The following CEP112 variants were observed in gnomAD, a reference collection of about 807,000 sequenced individuals.
CEP112 encodes the protein centrosomal protein 112, also known as centrosomal protein of 112 kDa.
A neutral mutation model predicts 153.0 loss-of-function variants in CEP112; 127 were observed. The ratio of observed to expected loss-of-function variants is 0.83; its 90% CI spans 0.72 to 0.96. The LOEUF (loss-of-function observed/expected upper bound fraction) is 0.96, where lower values mean the gene tolerates loss of function less well. Ranked by LOEUF, CEP112 falls within the 40% of genes least tolerant of loss-of-function variation. The pLI is 0.00. For missense variants in CEP112, 1,089 were observed against 1,101.2 expected (o/e 0.99, Z 0.16); for synonymous variants, 358 against 374.4 (o/e 0.96, Z 0.51).
At chr17:65,878,639 C>G (rs1449875096) in intron 20 of CEP112, among the ~76,000 whole-genome samples, 1 of 151,970 alleles carries the variant, frequency 6.6e-6, no homozygotes, top group Non-Finnish European at 1.5e-5. Context: ...AGTGGGGAGG[C>G]TTCAGCAGAT....
chr17:66,096,629 C>G lies in CEP112; in HGVS notation c.646G>C (p.Glu216Gln). Reference sequence around the variant, plus strand: ...TTCTGTCTCAGGTATCGAGGATTTTCTATCTGAAAATTTAAAAATAAAACA... The same window carrying G: ...TTCTGTCTCAGGTATCGAGGATTTTGTATCTGAAAATTTAAAAATAAAACA... ...ARLNSWNLGI[E>Q]NPRYLRQKPI... The change falls in exon 7 of 27, where the codon GAA becomes CAA. Residue 216 changes from glutamate (E) to glutamine (Q), a missense_variant. Transcript: ENST00000535342. The G allele has an allele frequency of 6.3e-7, 1 of 1,577,860 alleles. No homozygotes were observed.
At chr17:66,130,993 G>T (rs1204704515) in intron 5 of CEP112, among the ~76,000 whole-genome samples, 1 of 152,104 alleles carries the variant, frequency 6.6e-6, no homozygotes, top group East Asian at 1.9e-4. Flanking sequence ...CTGTGGAAAA[G>T]AATGGCTACC....
At position 65,813,634 on chromosome 17, in the gene CEP112, G is replaced by A. The variant is rs140803635; in HGVS notation, c.2394+38170C>T. Among the ~76,000 whole-genome samples the A allele has an allele frequency of 2.6e-3, 393 of 152,296 alleles. 2 individuals carry two copies. Among genetic ancestry groups the A allele is most frequent in the Middle Eastern group, 0.017 (5 of 294 alleles). ...AGTTGTGTAATTCCTCTGAGCCTCAGTATCGCCTACAATTCTAAAGCATTC... is the reference window on the plus strand; with the variant it reads ...AGTTGTGTAATTCCTCTGAGCCTCAATATCGCCTACAATTCTAAAGCATTC... On this transcript the variant is annotated intron_variant, in intron 21 of 26. Coordinates refer to ENST00000535342, the MANE Select transcript of CEP112 (RefSeq NM_001199165.4).
At chr17:65,699,264 G>A (rs1017914180) in intron 23 of CEP112, among the ~76,000 whole-genome samples, 16 of 152,208 alleles carry the variant, frequency 1.1e-4, no homozygotes, top group African/African-American at 3.9e-4. Context: ...CTACGGTAAT[G>A]AGCATTTACT....
rs191552806 is a variant in CEP112, at chr17:66,154,718, G to A, written c.470+20326C>T. On this transcript the variant is annotated intron_variant, in intron 4 of 26. Coordinates refer to ENST00000535342, the MANE Select transcript of CEP112 (RefSeq NM_001199165.4). ...AGTACTCTCTGATCTTGTAACAGGC[G>A]AGGTAAGAAATCTCAAACAGGAAAC... 2.2e-3 allele frequency among the ~76,000 whole-genome samples: 323 copies of A among 149,850 alleles called. 1 individual carries two copies. Among genetic ancestry groups the A allele is most frequent in the African/African-American group, 7.5e-3 (309 of 41,152 alleles).
chr17:66,006,552 G>A (rs1428613339), intron 16 of CEP112, among the ~76,000 whole-genome samples: 1 of 151,774 alleles, frequency 6.6e-6, no homozygotes, highest in Non-Finnish European at 1.5e-5. Flanking sequence ...GTTGCAGTGA[G>A]CCAAGATCGC....
At chr17:65,806,495 A>G (rs2055607834) in intron 21 of CEP112, among the ~76,000 whole-genome samples, 1 of 152,232 alleles carries the variant, frequency 6.6e-6, no homozygotes, top group African/African-American at 2.4e-5. Flanking sequence ...TATCATTAAT[A>G]TGGTTTGGCT....
chr17:65,841,886 CTGTG>C (rs143757258), intron 21 of CEP112, among the ~76,000 whole-genome samples: 1 of 139,436 alleles, frequency 7.2e-6, no homozygotes, highest in Non-Finnish European at 1.6e-5. Context: ...CAGACCTAAA[CTGTG>C]TGTGTGTGTA....
chr17:66,105,603 G>C (rs1280294302), intron 6 of CEP112, among the ~76,000 whole-genome samples: 1 of 152,102 alleles, frequency 6.6e-6, no homozygotes, highest in African/African-American at 2.4e-5. Flanking sequence ...AGACCAGCTT[G>C]GGTAACATTG....
At chr17:65,804,405 T>C (rs931848719) in intron 21 of CEP112, 1 of 152,176 alleles carries the variant, frequency 6.6e-6, no homozygotes, top group Non-Finnish European at 1.5e-5. Flanking sequence ...AACACGTATG[T>C]TTGAAGCCCC....
At chr17:66,058,421 A>G (rs1360967355) in intron 11 of CEP112, among the ~76,000 whole-genome samples, 5 of 152,178 alleles carry the variant, frequency 3.3e-5, no homozygotes, top group Admixed American at 3.3e-4. Flanking sequence ...CTAGAAAAGA[A>G]CCAACTAAAA....
chr17:65,660,601 G>A (rs2046341416), intron 24 of CEP112, among the ~76,000 whole-genome samples: 1 of 151,384 alleles, frequency 6.6e-6, no homozygotes, highest in South Asian at 2.1e-4. Context: ...TTGGACAGCA[G>A]TGATGCAACC....
intron 24 of CEP112, among the ~76,000 whole-genome samples, chr17:65,682,620 T>C (rs2047588390): frequency 6.6e-6 from 1 of 151,972 alleles, no homozygotes; most frequent in Non-Finnish European, 1.5e-5. Flanking sequence ...CAATAAAGAG[T>C]AGACACTCAG....
At chr17:66,155,534 C>T (rs998120193) in intron 4 of CEP112, among the ~76,000 whole-genome samples, 4 of 151,612 alleles carry the variant, frequency 2.6e-5, no homozygotes, top group African/African-American at 9.7e-5. Context: ...ACCTGGAATG[C>T]CAGCGAGACA....
chr17:66,055,341 T>C (rs1315043078), intron 11 of CEP112, among the ~76,000 whole-genome samples: 1 of 152,206 alleles, frequency 6.6e-6, no homozygotes, highest in Non-Finnish European at 1.5e-5. Flanking sequence ...ACAGTTTTGA[T>C]TATTTGTAAG....
chr17:65,641,997 A>G lies in CEP112; in HGVS notation c.2698-932T>C, dbSNP rs8076715. On this transcript the variant is annotated intron_variant, in intron 24 of 26. Coordinates refer to ENST00000535342, the MANE Select transcript of CEP112 (RefSeq NM_001199165.4). Reference sequence around the variant, plus strand: ...TGCTCACTGGGCTAGTAAAAAAAATAGGTTGGTGGCTCATCCCATTCATCT... The same window carrying G: ...TGCTCACTGGGCTAGTAAAAAAAATGGGTTGGTGGCTCATCCCATTCATCT... 2.3e-3 allele frequency among the ~76,000 whole-genome samples: 354 copies of G among 152,230 alleles called. 4 individuals are homozygous for G. The highest frequency in any genetic ancestry group is 8.3e-3 in the African/African-American group (344 of 41,528).
intron 17 of CEP112, among the ~76,000 whole-genome samples, chr17:65,971,017 AATT>A (rs2062746741): frequency 6.6e-6 from 1 of 152,174 alleles, no homozygotes; most frequent in Non-Finnish European, 1.5e-5. Flanking sequence ...TTTGGAAGAT[AATT>A]ATTGGAAATT....
chr17:66,120,476 T>C (rs543983197), intron 6 of CEP112, among the ~76,000 whole-genome samples: 22 of 152,178 alleles, frequency 1.4e-4, no homozygotes, highest in African/African-American at 5.1e-4. Context: ...GCTAGGATTA[T>C]AGGTGTGAGC....
intron 21 of CEP112, among the ~76,000 whole-genome samples, chr17:65,808,669 TC>T (rs1438380193): frequency 1.3e-5 from 2 of 152,126 alleles, no homozygotes; most frequent in Non-Finnish European, 2.9e-5. Flanking sequence ...TCTCTCATGT[TC>T]CATCATGGGA....
Sources: allele counts gnomAD v4.1 joint callset (sites outside exome capture counted in the v4.1 genomes callset), GRCh38; gene constraint gnomAD v4.1.1; transcripts MANE v1.5; gene names NCBI Gene and HGNC (gene_info 2026-07-23, HGNC 2026-07-21).